REEP4: variants seen among roughly 807,000 people sequenced by gnomAD.
REEP4 encodes the protein receptor expression-enhancing protein 4.
REEP4 carries 17 observed loss-of-function variants against 33.5 expected under a neutral mutation model. That is an observed-to-expected ratio of 0.51 (90% CI 0.35 to 0.76). REEP4 has a LOEUF of 0.76. REEP4 is among the 30% of genes least tolerant of loss of function. The pLI is 0.01. For synonymous variants in REEP4, 157 were observed against 142.9 expected, an observed-to-expected ratio of 1.10 and a Z score of -0.70; for missense variants, 340 against 357.9, an observed-to-expected ratio of 0.95 and a Z score of 0.40.
In REEP4 at chr8:22,140,714, G is replaced by A; in HGVS notation, c.33-17C>T. ...AACACCAGCCTGGAAGAGCAGCCAT[G>A]GGGAGTGTGAGGGGCACCATGCCCC... On this transcript the variant is annotated splice_polypyrimidine_tract_variant and intron_variant, in intron 1 of 7. Transcript: ENST00000306306. 1 of 1,607,030 alleles carries A rather than the reference G, an allele frequency of 6.2e-7. No homozygotes were observed. Among genetic ancestry groups the A allele is most frequent in the Non-Finnish European group, 8.5e-7 (1 of 1,176,266 alleles).
rs767250501 is a variant in REEP4 at position 22,141,512 on chromosome 8, C to A, written c.-30G>T. ...CCGGCCTTTGGGACGTGGGGAGGAC[C>A]CCAGGAAGCCGCTCAGAAGGACGTT... On this transcript the variant is annotated 5_prime_UTR_variant, in exon 1 of 8. Coordinates refer to ENST00000306306, the MANE Select transcript of REEP4 (RefSeq NM_025232.4). The A allele has an allele frequency of 5.0e-6, 8 of 1,585,548 alleles. No homozygotes were observed. The highest frequency in any genetic ancestry group is 1.2e-5 in the South Asian group (1 of 86,830).
rs1001998171 is a variant in REEP4, at chr8:22,141,582, G to T, written c.-100C>A. On this transcript the variant is annotated 5_prime_UTR_variant, in exon 1 of 8. Transcript: ENST00000306306. ...GGGGTGATCAGGGCAGTTGCGGGAA[G>T]CAGAGGGGCGATCCGGCTGTCCCTC... 1 of 1,261,082 alleles carries T rather than the reference G, an allele frequency of 7.9e-7. No individual in the cohort carries two copies. The highest frequency in any genetic ancestry group is 1.1e-6 in the Non-Finnish European group (1 of 917,102). The allele number at this position is 1,261,082 out of a possible 1,614,324, so 78.1% of individuals were successfully genotyped here.
chr8:22,141,401 G>A (rs771412215), intron 1 of REEP4, 50 bp downstream of exon 1: 1 of 1,586,608 alleles, frequency 6.3e-7, no homozygotes, highest in Admixed American at 1.8e-5. Flanking sequence ...CCACCACAGG[G>A]GCGGGACGGC....
intron 2 of REEP4, 113 bp from the exon 3 acceptor site, chr8:22,140,361 C>G (rs1827210006): frequency 9.1e-7 from 1 of 1,094,244 alleles, no homozygotes; most frequent in Non-Finnish European, 1.4e-6. Context: ...GCTGCTTTCC[C>G]CCACACATGG....
Position 22,139,834 on chromosome 8 carries a change from G to A in REEP4, c.303+129C>T, listed in dbSNP as rs1013232885. On this transcript the variant is annotated intron_variant, in intron 4 of 7. Transcript: ENST00000306306. ...GATGAGGTAGGCTGGGCCCTGTCAAGGTCCTGCCCCTCAATAGCAGCAGGA... is the reference window on the plus strand; with the variant it reads ...GATGAGGTAGGCTGGGCCCTGTCAAAGTCCTGCCCCTCAATAGCAGCAGGA... 5.2e-6 allele frequency: 6 copies of A among 1,159,266 alleles called. No homozygotes were observed. In the African/African-American group the frequency reaches 9.3e-5, roughly 18 times the overall value. The allele number at this position is 1,159,266 out of a possible 1,614,324, so 71.8% of individuals were successfully genotyped here.
chr8:22,138,932 G>T lies in REEP4; in HGVS notation c.547C>A (p.Pro183Thr). The T allele has an allele frequency of 6.3e-7, 1 of 1,584,778 alleles. No homozygotes were observed. The highest frequency in any genetic ancestry group is 8.6e-7 in the Non-Finnish European group (1 of 1,168,366). ...GGCCCCTCTGCCCGCTCACCAATGG[G>T]TGGCCTCCGGTGGGACACCTGGTCC... ...LEDQVSHRRP[P>T]IGYRAGGLQD... Residue 183 changes from proline to threonine, a missense_variant, in exon 6 of 8, where the codon CCC becomes ACC. Pro to Thr is a conservative substitution (Grantham distance 38). Transcript: ENST00000306306.
intron 5 of REEP4, 156 bp downstream of exon 5, chr8:22,139,260 G>T (rs1296951577): frequency 2.1e-6 from 2 of 939,628 alleles, no homozygotes; most frequent in East Asian, 2.6e-5. Context: ...AGGAAGGTCT[G>T]ACTCCAGCTC....
chr8:22,140,668 T>A lies in REEP4; in HGVS notation c.62A>T (p.Tyr21Phe). ...VLVFGMLCPA[Y>F]ASYKAVKTKN... ...GGTCTTCACAGCCTTATAGGAAGCATAAGCTGGACACAGCATCCCAAACAC... is the reference window on the plus strand; with the variant it reads ...GGTCTTCACAGCCTTATAGGAAGCAAAAGCTGGACACAGCATCCCAAACAC... Residue 21 changes from tyrosine to phenylalanine, a missense_variant, in exon 2 of 8, where the codon TAT becomes TTT. Transcript: ENST00000306306. 3 of 1,613,906 alleles carry A rather than the reference T, an allele frequency of 1.9e-6. No individual in the cohort carries two copies. Among genetic ancestry groups the A allele is most frequent in the Non-Finnish European group, 2.5e-6 (3 of 1,179,852 alleles).
chr8:22,140,301 A>AC (rs1827209171), intron 2 of REEP4, 53 bp from the exon 3 acceptor site: 5 of 1,571,632 alleles, frequency 3.2e-6, no homozygotes, highest in Admixed American at 3.4e-5. Flanking sequence ...CCAACTCCCA[A>AC]CCCAGGCCAG....
intron 5 of REEP4, 101 bp downstream of exon 5, chr8:22,139,315 C>CCCGG: frequency 9.3e-7 from 1 of 1,069,980 alleles, no homozygotes; most frequent in Non-Finnish European, 1.4e-6. Flanking sequence ...ACCCCTGCTC[C>CCCGG]CCGGCTGCCA....
intron 1 of REEP4, 36 bp downstream of exon 1, chr8:22,141,415 C>A (rs1827228916): frequency 1.3e-6 from 2 of 1,594,482 alleles, no homozygotes; most frequent in Non-Finnish European, 1.7e-6. Flanking sequence ...GGACGGCACC[C>A]CGGGGTAGAG....
rs1395461638 is a variant in REEP4 at position 22,138,712 on chromosome 8, G to A, written c.635C>T (p.Ala212Val). 6.2e-7 allele frequency: 1 copy of A among 1,612,976 alleles called. No individual in the cohort carries two copies. The highest frequency in any genetic ancestry group is 8.5e-7 in the Non-Finnish European group (1 of 1,179,782). The part of the protein sequence containing the change: ...SDTEAVPRAP[A>V]RPREKPLIRS... ...GATTAGGGGCTTCTCTCGGGGCCGG[G>A]CTGGCGCCCGGGGGACTGCCTCAGT... Residue 212 changes from alanine to valine, a missense_variant, in exon 7 of 8, where the codon GCC becomes GTC. Physicochemically the swap from Ala to Val is moderately conservative, Grantham distance 64 (BLOSUM62 0). Coordinates refer to ENST00000306306, the MANE Select transcript of REEP4 (RefSeq NM_025232.4).
In REEP4 at chr8:22,138,022, C is replaced by A. The variant is rs576432106; in HGVS notation, c.*465G>T. 3 of 382,526 alleles carry A rather than the reference C, an allele frequency of 7.8e-6. No individual in the cohort carries two copies. The highest frequency in any genetic ancestry group is 4.1e-5 in the African/African-American group (2 of 48,962). 23.7% of individuals were successfully genotyped at this position (382,526 alleles called of 1,614,324 possible). A position where few individuals can be genotyped will look rare whatever the true frequency, so the allele number is the denominator to read the frequency against. On this transcript the variant is annotated 3_prime_UTR_variant, in exon 8 of 8. Coordinates refer to ENST00000306306, the MANE Select transcript of REEP4 (RefSeq NM_025232.4). ...GAGTAAGAATCAGGAGAAACAGAGCCCCTTTATGTATTTATTTATCAAAAC... is the reference window on the plus strand; with the variant it reads ...GAGTAAGAATCAGGAGAAACAGAGCACCTTTATGTATTTATTTATCAAAAC...
In REEP4 at chr8:22,138,443, G is replaced by A. The variant is rs545454681; in HGVS notation, c.*44C>T. ...CAAGGTCCCTCCAAATAGCCCTGGA[G>A]CCCTGCAGGGCACGAGGTAAGAAGG... is the stretch of plus-strand genomic sequence containing the variant. On this transcript the variant is annotated 3_prime_UTR_variant, in exon 8 of 8. Coordinates refer to ENST00000306306, the MANE Select transcript of REEP4 (RefSeq NM_025232.4). The A allele has an allele frequency of 6.8e-6, 11 of 1,606,344 alleles. No homozygotes were observed. In the South Asian group the frequency reaches 8.8e-5, roughly 13 times the overall value.
chr8:22,138,703 C>A lies in REEP4; in HGVS notation c.644G>T (p.Arg215Leu). The A allele has an allele frequency of 6.2e-7, 1 of 1,613,084 alleles. No individual in the cohort carries two copies. Among genetic ancestry groups the A allele is most frequent in the Non-Finnish European group, 8.5e-7 (1 of 1,179,832 alleles). The change falls in exon 7 of 8, where the codon CGA becomes CTA. Residue 215 changes from arginine (R) to leucine (L), a missense_variant. Coordinates refer to ENST00000306306, the MANE Select transcript of REEP4 (RefSeq NM_025232.4). ...EAVPRAPARP[R>L]EKPLIRSQSL... The stretch of plus-strand genomic sequence containing the variant: ...CTGGCTGCGGATTAGGGGCTTCTCT[C>A]GGGGCCGGGCTGGCGCCCGGGGGAC...
chr8:22,141,382 C>A, intron 1 of REEP4, 69 bp downstream of exon 1: 1 of 1,561,636 alleles, frequency 6.4e-7, no homozygotes, highest in Non-Finnish European at 8.7e-7. Flanking sequence ...CACTAGACGT[C>A]CACAGCTTCC....
chr8:22,139,224 G>C (rs939123635), intron 5 of REEP4, 163 bp from the exon 6 acceptor site: 51 of 1,057,412 alleles, frequency 4.8e-5, no homozygotes, highest in Non-Finnish European at 7.2e-5. Flanking sequence ...AGGAGCCGCT[G>C]CTTACGCTCA....
At chr8:22,141,350 G>T in intron 1 of REEP4, 101 bp downstream of exon 1, 1 of 1,383,786 alleles carries the variant, frequency 7.2e-7, no homozygotes. Context: ...CTGGAGGGTG[G>T]AGCTCAGAAA....
chr8:22,141,557 G>A lies in REEP4; in HGVS notation c.-75C>T. ...GACGTTCACTCAAGGGCTGGGACGG[G>A]GGGTGATCAGGGCAGTTGCGGGAAG... On this transcript the variant is annotated 5_prime_UTR_variant, in exon 1 of 8. Transcript: ENST00000306306. 6.7e-7 allele frequency: 1 copy of A among 1,492,542 alleles called. No homozygotes were observed. Among genetic ancestry groups the A allele is most frequent in the Non-Finnish European group, 9.1e-7 (1 of 1,101,796 alleles). The allele number at this position is 1,492,542 out of a possible 1,614,324, so 92.5% of individuals were successfully genotyped here.
Sources: allele counts gnomAD v4.1 joint callset, GRCh38; gene constraint gnomAD v4.1.1; transcripts MANE v1.5; gene names NCBI Gene and HGNC (gene_info 2026-07-23, HGNC 2026-07-21).